The following TMEM245 variants were observed in gnomAD, a reference collection of about 807,000 sequenced individuals.
TMEM245 encodes the protein protein CG-2.
TMEM245 carries 69 observed loss-of-function variants against 101.2 expected under a neutral mutation model. That is an observed-to-expected ratio of 0.68 (90% CI 0.56 to 0.83). TMEM245 has a LOEUF of 0.83. TMEM245 is among the 40% of genes least tolerant of loss of function. TMEM245 has a pLI of 0.00. For synonymous variants in TMEM245, 537 were observed against 449.8 expected, an observed-to-expected ratio of 1.19 and a Z score of -2.45; for missense variants, 1,075 against 1,092.8, an observed-to-expected ratio of 0.98 and a Z score of 0.23.
chr9:109,100,645 T>C (rs1830261235), intron 3 of TMEM245, among the ~76,000 whole-genome samples: 1 of 152,230 alleles, frequency 6.6e-6, no homozygotes, highest in African/African-American at 2.4e-5. Flanking sequence ...TGAGCCATTA[T>C]GCCTGGCCAA....
At chr9:109,082,036 A>G (rs1829680527) in intron 7 of TMEM245, among the ~76,000 whole-genome samples, 1 of 152,208 alleles carries the variant, frequency 6.6e-6, no homozygotes, top group Non-Finnish European at 1.5e-5. Flanking sequence ...GAGCAACAGC[A>G]TTGCTAAATA....
intron 9 of TMEM245, among the ~76,000 whole-genome samples, chr9:109,068,378 A>G (rs998097037): frequency 6.8e-6 from 1 of 147,456 alleles, no homozygotes; most frequent in Non-Finnish European, 1.5e-5. Context: ...TCAAAAAAAA[A>G]AAAAAAAAGG....
intron 17 of TMEM245, 117 bp downstream of exon 17, chr9:109,033,190 A>G (rs1365732839): frequency 1.7e-6 from 2 of 1,143,286 alleles, no homozygotes; most frequent in African/African-American, 3.1e-5. Flanking sequence ...CCTTTATCAC[A>G]GCATTGGTAC....
chr9:109,112,557 A>G (rs997553529), intron 1 of TMEM245, among the ~76,000 whole-genome samples: 4 of 150,062 alleles, frequency 2.7e-5, no homozygotes, highest in African/African-American at 9.9e-5. Context: ...AAAAAAAAAG[A>G]AAGACGTATA....
chr9:109,075,584 A>T (rs12352992), intron 8 of TMEM245, among the ~76,000 whole-genome samples: 8,299 of 151,970 alleles, frequency 0.055, 360 homozygotes, highest in East Asian at 0.13. Flanking sequence ...AGTCTGTTCC[A>T]CTCCTTCTCT....
chr9:109,073,535 G>C, intron 8 of TMEM245, 97 bp from the exon 9 acceptor site: 2 of 898,814 alleles, frequency 2.2e-6, no homozygotes, highest in South Asian at 3.2e-5. Context: ...TGCTTTGAGA[G>C]CCAAATAAAT....
intron 5 of TMEM245, among the ~76,000 whole-genome samples, chr9:109,090,084 A>C (rs1829954639): frequency 1.3e-5 from 2 of 151,754 alleles, no homozygotes; most frequent in Non-Finnish European, 2.9e-5. Flanking sequence ...ACATGGTGAA[A>C]CTCCGTCTCT....
chr9:109,037,951 G>T, intron 15 of TMEM245, 66 bp downstream of exon 15: 2 of 1,300,562 alleles, frequency 1.5e-6, no homozygotes, highest in Non-Finnish European at 2.1e-6. Flanking sequence ...ACATTTCCTA[G>T]ATGTATGTAA....
At chr9:109,097,225 T>TA (rs1400369539) in intron 3 of TMEM245, among the ~76,000 whole-genome samples, 1 of 152,114 alleles carries the variant, frequency 6.6e-6, no homozygotes, top group Non-Finnish European at 1.5e-5. Flanking sequence ...ACTGGTGTCT[T>TA]AGAGAGCAGG....
At chr9:109,027,505 G>A (rs1827824569) in intron 17 of TMEM245, among the ~76,000 whole-genome samples, 3 of 152,158 alleles carry the variant, frequency 2.0e-5, no homozygotes, top group Non-Finnish European at 2.9e-5. Flanking sequence ...GAGGCTGGCA[G>A]CCAGGCTTTT....
At chr9:109,106,310 T>G (rs1021364560) in intron 3 of TMEM245, among the ~76,000 whole-genome samples, 198 bp downstream of exon 3, 9 of 139,630 alleles carry the variant, frequency 6.4e-5, no homozygotes, top group African/African-American at 2.1e-4. Flanking sequence ...TAACTTTAAG[T>G]TATACATGCC....
chr9:109,032,454 G>A lies in TMEM245; in HGVS notation c.2594+853C>T, dbSNP rs540141245. Among the ~76,000 whole-genome samples, 5 of 126,162 alleles carry A rather than the reference G, an allele frequency of 4.0e-5. No individual in the cohort carries two copies. In the East Asian group the frequency reaches 1.0e-3, roughly 26 times the overall value. The allele number at this position is 126,162 out of a possible 152,430, so 82.8% of individuals were successfully genotyped here. ...GGCTGGAATCCAATGGCATGATCTCGGATCACTGCAACCTCCACCTCCCAG... is the reference window on the plus strand; with the variant it reads ...GGCTGGAATCCAATGGCATGATCTCAGATCACTGCAACCTCCACCTCCCAG... On this transcript the variant is annotated intron_variant, in intron 17 of 17. Coordinates refer to ENST00000374586, the MANE Select transcript of TMEM245 (RefSeq NM_032012.4).
chr9:109,017,255 C>T lies in TMEM245; in HGVS notation c.*3205G>A, dbSNP rs1827474114. 1 of 152,196 alleles carries T rather than the reference C, an allele frequency of 6.6e-6. No individual in the cohort carries two copies. The highest frequency in any genetic ancestry group is 1.5e-5 in the Non-Finnish European group (1 of 68,032). The allele number at this position is 152,196 out of a possible 1,614,324, so 9.4% of individuals were successfully genotyped here. On this transcript the variant is annotated 3_prime_UTR_variant, in exon 18 of 18. Coordinates refer to ENST00000374586, the MANE Select transcript of TMEM245 (RefSeq NM_032012.4). ...GTTTACATACAAGGTCTCCATGTAA[C>T]ATGTTGGATTTCTTCCCACTGTCAT...
At position 109,108,476 on chromosome 9, in the gene TMEM245, C is replaced by T. The variant is rs1203044808; in HGVS notation, c.674G>A (p.Trp225Ter). Reference protein sequence around the residue: ...RYLRAVSIPVWIILLFHLASL... With the variant: ...RYLRAVSIPV ...ACCTAAATGAAAAAGCAATATAATC[C>T]AGACAGGAATTGAAACTGCTCTCAA... The change falls in exon 2 of 18, where the codon TGG becomes TAG. Residue 225 changes from tryptophan to a stop codon, truncating the protein, a stop_gained. Transcript: ENST00000374586. LOFTEE classifies it high-confidence loss of function. The T allele has an allele frequency of 6.4e-7, 1 of 1,567,446 alleles. No homozygotes were observed. Among genetic ancestry groups the T allele is most frequent in the Non-Finnish European group, 8.6e-7 (1 of 1,156,400 alleles).
At chr9:109,062,900 G>T (rs1230072816) in intron 10 of TMEM245, among the ~76,000 whole-genome samples, 1 of 151,972 alleles carries the variant, frequency 6.6e-6, no homozygotes, top group Non-Finnish European at 1.5e-5. Context: ...AGCCTAGGAG[G>T]TGGAAGTTGC....
chr9:109,115,903 C>T (rs982412622), intron 1 of TMEM245, among the ~76,000 whole-genome samples: 10 of 152,254 alleles, frequency 6.6e-5, no homozygotes, highest in Non-Finnish European at 1.5e-4. Flanking sequence ...AAGGTTACTA[C>T]AGAGTTTTGA....
intron 14 of TMEM245, among the ~76,000 whole-genome samples, chr9:109,048,652 T>C (rs1828576393): frequency 6.6e-6 from 1 of 152,156 alleles, no homozygotes; most frequent in African/African-American, 2.4e-5. Flanking sequence ...GTCTTGTTAA[T>C]GAGGAATGAT....
rs1203190918 is a variant in TMEM245, at chr9:109,119,474, C to A, written c.440G>T (p.Arg147Leu). 1 of 1,484,162 alleles carries A rather than the reference C, an allele frequency of 6.7e-7. No homozygotes were observed. The highest frequency in any genetic ancestry group is 8.9e-7 in the Non-Finnish European group (1 of 1,127,696). The allele number at this position is 1,484,162 out of a possible 1,614,324, so 91.9% of individuals were successfully genotyped here. ...GCCGGCGCCGAGCAGCAGGAGCAGGCGGCGGCGGCGCAGCGCCTGCTCGCC... is the reference window on the plus strand; with the variant it reads ...GCCGGCGCCGAGCAGCAGGAGCAGGAGGCGGCGGCGCAGCGCCTGCTCGCC... ...ALGEQALRRR[R>L]LLLLLGAGGP... is the part of the protein sequence containing the mutation. Residue 147 changes from arginine to leucine, a missense_variant, in exon 1 of 18, where the codon CGC (arginine) becomes CTC (leucine). By Grantham distance (102) the Arg-to-Leu change is moderately radical. Around this residue, in one of 2 missense-constraint regions of TMEM245, gnomAD observed 808 missense variants for 741.5 expected, o/e 1.09. Transcript: ENST00000374586.
At chr9:109,034,392 C>A (rs144873106) in intron 16 of TMEM245, among the ~76,000 whole-genome samples, 17 of 152,272 alleles carry the variant, frequency 1.1e-4, no homozygotes, top group African/African-American at 4.1e-4. Context: ...TGATTTAGGG[C>A]AGTATTCCAT....
Sources: gnomAD v4.1 joint callset for allele counts (sites outside exome capture counted in the v4.1 genomes callset) on GRCh38, gnomAD v4.1.1 for gene constraint, gnomAD v4.1.1 regional missense constraint, MANE v1.5 for transcripts, NCBI Gene and HGNC (gene_info 2026-07-23, HGNC 2026-07-21) for gene names.